Variants in IGDCC3 observed in about 807,000 individuals in gnomAD.
IGDCC3 encodes immunoglobulin superfamily DCC subclass member 3.
IGDCC3 carries 47 observed loss-of-function variants against 72.0 expected under a neutral mutation model. The observed-to-expected ratio is 0.65, with a 90% CI of 0.52 to 0.83. The LOEUF is 0.83. Among genes scored for constraint, IGDCC3 ranks in the 40% least tolerant of loss-of-function variants. The pLI, the probability that IGDCC3 is intolerant of heterozygous loss-of-function variation, is 0.00. For synonymous variants in IGDCC3, 477 were observed against 472.8 expected (o/e 1.01, Z -0.11); for missense variants, 1,038 against 1,091.3 (o/e 0.95, Z 0.69).
Position 65,328,909 on chromosome 15 carries a change from C to T in IGDCC3, c.2445G>A (p.Ter815=). 6.5e-7 allele frequency: 1 copy of T among 1,530,522 alleles called. No individual in the cohort carries two copies. The highest frequency in any genetic ancestry group is 8.8e-7 in the Non-Finnish European group (1 of 1,142,834). The allele number at this position is 1,530,522 out of a possible 1,614,324, so 94.8% of individuals were successfully genotyped here. ...RVTQPAHSEQ[*] ...CCCTCTGGAGCCTGCCAGACACTGG[C>T]TACTGTTCCGAGTGAGCTGGCTGGG... The change falls in exon 14 of 14, where the codon TAG becomes TAA. Residue 815 remains the stop codon, a stop_retained_variant. Coordinates refer to ENST00000327987, the MANE Select transcript of IGDCC3 (RefSeq NM_004884.4).
At chr15:65,347,818 C>T (rs1341007815) in intron 2 of IGDCC3, among the ~76,000 whole-genome samples, 1 of 152,122 alleles carries the variant, frequency 6.6e-6, no homozygotes, top group Non-Finnish European at 1.5e-5. Flanking sequence ...GTAATCCCAG[C>T]CACTTGGGAG....
chr15:65,335,362 C>T lies in IGDCC3; in HGVS notation c.614G>A (p.Gly205Asp). ...QITGLRAEDGGIFHCVASNIA... is the reference protein window; with the variant it reads ...QITGLRAEDGDIFHCVASNIA... ...GTTTGAGGCCACACAGTGGAAGATG[C>T]CACCGTCCTCAGCTCGAAGTCCTGT... The change falls in exon 4 of 14, where the codon GGC becomes GAC. Residue 205 changes from glycine (G) to aspartate (D), a missense_variant. Transcript: ENST00000327987. 2 of 1,613,740 alleles carry T rather than the reference C, an allele frequency of 1.2e-6. No individual in the cohort carries two copies. Among genetic ancestry groups the T allele is most frequent in the South Asian group, 2.2e-5 (2 of 91,056 alleles).
chr15:65,355,829 G>A (rs1202791758), intron 2 of IGDCC3: 16 of 434,718 alleles, frequency 3.7e-5, no homozygotes, highest in Middle Eastern at 3.4e-4. Flanking sequence ...GATGTCGCTG[G>A]GGCGAGCGAG....
intron 2 of IGDCC3, among the ~76,000 whole-genome samples, chr15:65,367,063 G>A (rs2140168695): frequency 6.6e-6 from 1 of 152,300 alleles, no homozygotes. Flanking sequence ...TATGGCCCAG[G>A]CCGGGTGCGG....
intron 2 of IGDCC3, among the ~76,000 whole-genome samples, chr15:65,361,961 A>G (rs2091265032): frequency 6.6e-6 from 1 of 152,174 alleles, no homozygotes; most frequent in Admixed American, 6.5e-5. Context: ...CGCATCCTGA[A>G]ACTTCGCAGC....
chr15:65,371,963 G>T (rs527508991), intron 2 of IGDCC3, among the ~76,000 whole-genome samples: 1 of 152,316 alleles, frequency 6.6e-6, no homozygotes, highest in Admixed American at 6.5e-5. Flanking sequence ...GATGCACTCT[G>T]GCTCCAATAA....
intron 2 of IGDCC3, among the ~76,000 whole-genome samples, chr15:65,353,824 C>T (rs1451268530): frequency 6.6e-6 from 1 of 152,206 alleles, no homozygotes; most frequent in Non-Finnish European, 1.5e-5. Context: ...CCTTGTTTAG[C>T]ATATCATCAA....
intron 5 of IGDCC3, among the ~76,000 whole-genome samples, chr15:65,333,839 C>A (rs1326068693): frequency 2.6e-5 from 4 of 152,192 alleles, no homozygotes; most frequent in African/African-American, 9.7e-5. Context: ...AACTTTGTTT[C>A]CCAAACTTGT....
chr15:65,349,098 A>G (rs2091151188), intron 2 of IGDCC3, among the ~76,000 whole-genome samples: 1 of 152,204 alleles, frequency 6.6e-6, no homozygotes. Flanking sequence ...CAGGGCGACC[A>G]TCTTGTGCTG....
intron 6 of IGDCC3, among the ~76,000 whole-genome samples, chr15:65,332,509 C>T (rs1475845691): frequency 2.0e-5 from 3 of 152,182 alleles, no homozygotes; most frequent in Non-Finnish European, 2.9e-5. Flanking sequence ...CCCCTCGCCC[C>T]CACATTCAAT....
chr15:65,360,595 A>C (rs2091254040), intron 2 of IGDCC3, among the ~76,000 whole-genome samples: 1 of 152,216 alleles, frequency 6.6e-6, no homozygotes, highest in Non-Finnish European at 1.5e-5. Flanking sequence ...AAATAACCCA[A>C]GTTGGGGGAG....
Position 65,328,108 on chromosome 15 carries a change from G to A in IGDCC3, c.*801C>T, listed in dbSNP as rs887491392. ...TCTGTAGGCCACAAGAGTTCCCCTT[G>A]GTGGCCCAACCTCTGGCCTCTCCTC... On this transcript the variant is annotated 3_prime_UTR_variant, in exon 14 of 14. Transcript: ENST00000327987. 6.6e-6 allele frequency: 1 copy of A among 152,580 alleles called. No individual in the cohort carries two copies. Among genetic ancestry groups the A allele is most frequent in the Non-Finnish European group, 1.5e-5 (1 of 68,034 alleles). The allele number at this position is 152,580 out of a possible 1,614,324, so 9.5% of individuals were successfully genotyped here. A position where few individuals can be genotyped will look rare whatever the true frequency, so the allele number is the denominator to read the frequency against.
At position 65,330,327 on chromosome 15, in the gene IGDCC3, G is replaced by C; in HGVS notation, c.1824C>G (p.Arg608=). Residue 608 remains arginine (R), a synonymous_variant, in exon 11 of 14, where the codon CGC becomes CGG. Transcript: ENST00000327987. The part of the protein sequence containing the change: ...NQHGDGNATV[R]FVSLRGASER... ...CAGATGCTCCCCTCAAAGACACAAA[G>C]CGGACTGTGGCATTGCCATCTCCAT... The C allele has an allele frequency of 6.2e-7, 1 of 1,614,026 alleles. No homozygotes were observed. The highest frequency in any genetic ancestry group is 8.5e-7 in the Non-Finnish European group (1 of 1,179,956).
intron 2 of IGDCC3, among the ~76,000 whole-genome samples, chr15:65,363,651 C>CCCCCAA (rs142369071): frequency 6.6e-6 from 1 of 151,354 alleles, no homozygotes; most frequent in African/African-American, 2.5e-5. Flanking sequence ...TGCTGCCCAC[C>CCCCCAA]CCCGCCACCC....
At chr15:65,368,110 G>A (rs2091299281) in intron 2 of IGDCC3, among the ~76,000 whole-genome samples, 1 of 151,472 alleles carries the variant, frequency 6.6e-6, no homozygotes, top group African/African-American at 2.4e-5. Flanking sequence ...TTTATTGAAA[G>A]CTATGGAGAA....
In IGDCC3 at chr15:65,377,604, C is replaced by T. The variant is rs1424074488; in HGVS notation, c.103+82G>A. 3.9e-6 allele frequency: 5 copies of T among 1,285,230 alleles called. No homozygotes were observed. Among genetic ancestry groups the T allele is most frequent in the African/African-American group, 3.1e-5 (2 of 63,678 alleles). 79.6% of individuals were successfully genotyped at this position (1,285,230 alleles called of 1,614,324 possible). On this transcript the variant is annotated intron_variant, in intron 1 of 13. Coordinates refer to ENST00000327987, the MANE Select transcript of IGDCC3 (RefSeq NM_004884.4). This position sits in a 1 kb window ranked among gnomAD's most constrained non-coding sequence, Gnocchi z 4.9. Reference sequence around the variant, plus strand: ...AGGTCCGCGCCGCTCTCCCCGGGTCCGCCCCTCGCGCCCGCTCCCTCCCTG... The same window carrying T: ...AGGTCCGCGCCGCTCTCCCCGGGTCTGCCCCTCGCGCCCGCTCCCTCCCTG...
At chr15:65,360,922 C>G (rs1393958882) in intron 2 of IGDCC3, among the ~76,000 whole-genome samples, 1 of 152,118 alleles carries the variant, frequency 6.6e-6, no homozygotes, top group Non-Finnish European at 1.5e-5. Flanking sequence ...ATTACAGGCA[C>G]ACACCACCAT....
chr15:65,370,548 A>ATG (rs1486804106), intron 2 of IGDCC3, among the ~76,000 whole-genome samples: 115 of 139,482 alleles, frequency 8.2e-4, no homozygotes, highest in African/African-American at 2.8e-3. Flanking sequence ...TTATATATAT[A>ATG]TGTGTGTGTG....
chr15:65,366,842 A>G (rs1057416959), intron 2 of IGDCC3, among the ~76,000 whole-genome samples: 1 of 88,386 alleles, frequency 1.1e-5, no homozygotes, highest in Non-Finnish European at 2.2e-5. Context: ...TCGTGAGTCC[A>G]GGTGCCCACA....
Sources: allele counts gnomAD v4.1 joint callset (sites outside exome capture counted in the v4.1 genomes callset), GRCh38; gene constraint gnomAD v4.1.1; non-coding constraint Gnocchi (gnomAD v3.1); transcripts MANE v1.5; gene names NCBI Gene and HGNC (gene_info 2026-07-23, HGNC 2026-07-21).